The following EVC2 variants were observed in gnomAD, a reference collection of about 807,000 sequenced individuals.
EVC2 encodes the protein limbin.
In EVC2, 148 loss-of-function variants were observed where a neutral mutation model predicts 149.3. That is an observed-to-expected ratio of 0.99 (90% CI 0.87 to 1.14). The LOEUF (loss-of-function observed/expected upper bound fraction) is 1.14. Among genes scored for constraint, EVC2 ranks in the 50% most tolerant of loss-of-function variants. The pLI, the probability that EVC2 is intolerant of heterozygous loss-of-function variation, is 0.00. For synonymous variants in EVC2, 776 were observed against 649.9 expected (o/e 1.19, Z -2.95); for missense variants, 1,854 against 1,627.3 (o/e 1.14, Z -2.40).
At position 5,640,833 on chromosome 4, in the gene EVC2, T is replaced by G; in HGVS notation, c.1151A>C (p.Glu384Ala). The G allele has an allele frequency of 6.2e-7, 1 of 1,614,150 alleles. No individual in the cohort carries two copies. The highest frequency in any genetic ancestry group is 8.5e-7 in the Non-Finnish European group (1 of 1,180,010). The change falls in exon 10 of 22, where the codon GAG becomes GCG. Residue 384 changes from glutamate (E) to alanine (A), a missense_variant. Transcript: ENST00000344408. This position sits in a 1 kb window ranked among gnomAD's most constrained non-coding sequence, Gnocchi z 4.6. The part of the protein sequence containing the change: ...GSMLQALEEL[E>A]IATLNRADAD... ...ATCTGCCCGATTCAGGGTTGCAATC[T>G]CCAACCTAGGAAACACAAAAATCAA...
At chr4:5,592,733 A>G (rs947033933) in intron 16 of EVC2, among the ~76,000 whole-genome samples, 17 of 152,342 alleles carry the variant, frequency 1.1e-4, no homozygotes, top group African/African-American at 4.1e-4. Flanking sequence ...CTGGTAAGGA[A>G]GAAAGCCTCA....
chr4:5,568,976 T>C (rs1722483063), intron 19 of EVC2, among the ~76,000 whole-genome samples: 2 of 152,174 alleles, frequency 1.3e-5, no homozygotes, highest in South Asian at 2.1e-4. Context: ...TGTGAGGCCA[T>C]TAGGCACCAG....
chr4:5,664,372 C>T (rs990907009), intron 8 of EVC2, among the ~76,000 whole-genome samples: 1 of 152,206 alleles, frequency 6.6e-6, no homozygotes, highest in Non-Finnish European at 1.5e-5. Context: ...GAAAAAAGTA[C>T]TGCAAGGGTC....
intron 8 of EVC2, among the ~76,000 whole-genome samples, chr4:5,665,012 G>C (rs1471640063): frequency 1.3e-5 from 2 of 150,506 alleles, no homozygotes; most frequent in Non-Finnish European, 3.0e-5. Flanking sequence ...GGATGCGTGT[G>C]GGTGACGGGA....
intron 12 of EVC2, among the ~76,000 whole-genome samples, chr4:5,627,372 T>C: frequency 6.6e-6 from 1 of 152,244 alleles, no homozygotes; most frequent in East Asian, 1.9e-4. Context: ...GAACTGTTTC[T>C]TTCACTTGAG....
chr4:5,676,292 C>G (rs910932914), intron 7 of EVC2, among the ~76,000 whole-genome samples: 2 of 152,238 alleles, frequency 1.3e-5, no homozygotes, highest in Non-Finnish European at 2.9e-5. Flanking sequence ...TGACATGTGT[C>G]AGTTTCACCC....
At chr4:5,577,975 T>C (rs948405765) in intron 17 of EVC2, among the ~76,000 whole-genome samples, 4 of 152,200 alleles carry the variant, frequency 2.6e-5, no homozygotes, top group African/African-American at 9.6e-5. Flanking sequence ...GTCTGTGTCA[T>C]CAGAGGAACG....
At position 5,567,566 on chromosome 4, in the gene EVC2, T is replaced by C. The variant is rs1329027598; in HGVS notation, c.3557+878A>G. Among the ~76,000 whole-genome samples the C allele has an allele frequency of 6.6e-6, 1 of 151,934 alleles. No homozygotes were observed. The highest frequency in any genetic ancestry group is 2.4e-5 in the African/African-American group (1 of 41,324). On this transcript the variant is annotated intron_variant, in intron 20 of 21. Coordinates refer to ENST00000344408, the MANE Select transcript of EVC2 (RefSeq NM_147127.5). The surrounding 1 kb of genome is among the most constrained non-coding windows in gnomAD (Gnocchi z 4.4). The stretch of plus-strand genomic sequence containing the variant: ...CCTTGCAGCCTCATTCCCCACCTAC[T>C]CCATCCTCAAGGGGTACTGCTGGCT...
intron 17 of EVC2, among the ~76,000 whole-genome samples, chr4:5,578,461 C>T (rs1257840743): frequency 6.6e-6 from 1 of 152,156 alleles, no homozygotes; most frequent in African/African-American, 2.4e-5. Context: ...TATAAGGTAA[C>T]TGAGGCAAGA....
intron 17 of EVC2, among the ~76,000 whole-genome samples, chr4:5,581,647 C>T (rs1176370570): frequency 6.6e-6 from 1 of 152,230 alleles, no homozygotes; most frequent in Non-Finnish European, 1.5e-5. Flanking sequence ...TGACCTGAAA[C>T]TGGACCTTAT....
intron 1 of EVC2, among the ~76,000 whole-genome samples, chr4:5,703,081 T>A (rs1220944378): frequency 6.6e-6 from 1 of 152,360 alleles, no homozygotes; most frequent in African/African-American, 2.4e-5. Flanking sequence ...ATGGCAACTG[T>A]GACTTTAAGC....
At chr4:5,586,787 T>C (rs553138301) in intron 16 of EVC2, among the ~76,000 whole-genome samples, 1 of 152,184 alleles carries the variant, frequency 6.6e-6, no homozygotes, top group African/African-American at 2.4e-5. Context: ...ACCAAACCAA[T>C]GTACATCTTA....
At chr4:5,542,925 G>GCAT in intron 22 of EVC2, 1 of 347,356 alleles carries the variant, frequency 2.9e-6, no homozygotes, top group South Asian at 2.3e-5. Flanking sequence ...AGGATCAGCA[G>GCAT]CATCGGTAAC....
At chr4:5,659,547 A>C (rs1042198269) in intron 9 of EVC2, among the ~76,000 whole-genome samples, 1 of 152,154 alleles carries the variant, frequency 6.6e-6, no homozygotes, top group African/African-American at 2.4e-5. Flanking sequence ...GAATGAATTT[A>C]GCTCACAAGC....
chr4:5,706,355 C>CATAGATACATAAATAGATAGCTAGAT (rs1722152335), intron 1 of EVC2, among the ~76,000 whole-genome samples: 1 of 8,172 alleles, frequency 1.2e-4, no homozygotes, highest in Non-Finnish European at 2.2e-4. Context: ...GATAGATAGA[C>CATAGATACATAAATAGATAGCTAGAT]ACATAGATAG....
intron 9 of EVC2, 103 bp downstream of exon 9, chr4:5,663,004 G>C (rs1308922355): frequency 1.6e-5 from 23 of 1,473,090 alleles, no homozygotes; most frequent in Non-Finnish European, 2.1e-5. Context: ...AGTGACAAAT[G>C]ATTAACTGAA....
chr4:5,664,419 T>C (rs2108897925), intron 8 of EVC2, among the ~76,000 whole-genome samples: 1 of 152,340 alleles, frequency 6.6e-6, no homozygotes, highest in East Asian at 1.9e-4. Flanking sequence ...CTTGCTTTCC[T>C]CTGTGCAGTT....
rs553672127 is a variant in EVC2, at chr4:5,551,293, G to C, written c.3420-8081C>G. On this transcript the variant is annotated intron_variant and NMD_transcript_variant, in intron 21 of 22. Transcript: ENST00000475313. ...GGGGGCTGTGCCCTTCAAAGACACA[G>C]GGGTAGAGTTGCCCAAGACTAGGGG... Among the ~76,000 whole-genome samples the C allele has an allele frequency of 2.6e-5, 4 of 152,334 alleles. No individual in the cohort carries two copies. In the South Asian group the frequency reaches 6.2e-4, roughly 24 times the overall value.
chr4:5,618,728 G>A lies in EVC2; in HGVS notation c.2502-46C>T. 1 of 1,544,498 alleles carries A rather than the reference G, an allele frequency of 6.5e-7. No homozygotes were observed. The highest frequency in any genetic ancestry group is 1.2e-5 in the South Asian group (1 of 84,092). On this transcript the variant is annotated intron_variant, in intron 14 of 21. Transcript: ENST00000344408. The surrounding 1 kb of genome is among the most constrained non-coding windows in gnomAD (Gnocchi z 4.4). Reference sequence around the variant, plus strand: ...ACACTCTTAACACAGAGAAAGCCTGGGGGCTGGGCTGGGGTGAAGAAGCCA... The same window carrying A: ...ACACTCTTAACACAGAGAAAGCCTGAGGGCTGGGCTGGGGTGAAGAAGCCA...
Sources: allele counts gnomAD v4.1 joint callset (sites outside exome capture counted in the v4.1 genomes callset), GRCh38; gene constraint gnomAD v4.1.1; non-coding constraint Gnocchi (gnomAD v3.1); transcripts MANE v1.5; gene names NCBI Gene and HGNC (gene_info 2026-07-23, HGNC 2026-07-21).